The following CLTC variants were observed in gnomAD, a reference collection of about 807,000 sequenced individuals.
CLTC encodes the protein clathrin heavy chain, also known as clathrin heavy chain 1.
In CLTC, 16 loss-of-function variants were observed where a neutral mutation model predicts 195.8. That is an observed-to-expected ratio of 0.08 (90% CI 0.06 to 0.12). The LOEUF (loss-of-function observed/expected upper bound fraction) is 0.12, where lower values mean the gene tolerates loss of function less well. CLTC is among the 10% of genes least tolerant of loss of function. CLTC has a pLI of 1.00. For synonymous variants in CLTC, 667 were observed against 689.4 expected (o/e 0.97, Z 0.51); for missense variants, 796 against 2,027.0 (o/e 0.39, Z 11.66).
chr17:59,664,199 C>T (rs540969957), intron 9 of CLTC, among the ~76,000 whole-genome samples: 1 of 152,306 alleles, frequency 6.6e-6, no homozygotes, highest in Non-Finnish European at 1.5e-5. Context: ...ATCAGAATTT[C>T]AGATAGCAGG....
intron 31 of CLTC, among the ~76,000 whole-genome samples, chr17:59,692,135 G>A (rs771664994): frequency 5.3e-5 from 8 of 152,120 alleles, no homozygotes; most frequent in Non-Finnish European, 1.0e-4. Flanking sequence ...TGGCCAACAT[G>A]GTGAAACCCC....
intron 15 of CLTC, 140 bp from the exon 16 acceptor site, chr17:59,674,561 C>A: frequency 1.5e-6 from 1 of 681,612 alleles, no homozygotes; most frequent in Non-Finnish European, 2.3e-6. Flanking sequence ...AATTTAGACC[C>A]TCAGTTTATT....
Position 59,685,245 on chromosome 17 carries a change from CA to C in CLTC, c.4605+20del, listed in dbSNP as rs761215459. ...TTACAAGGTTGATAAAGTTGCGGGGCAGGGGCTGTTTTAAACCAGGCCTAAA... is the reference window on the plus strand; with the variant it reads ...TTACAAGGTTGATAAAGTTGCGGGGCGGGGCTGTTTTAAACCAGGCCTAAA... On this transcript the variant is annotated intron_variant, in intron 29 of 31. Transcript: ENST00000269122. The surrounding 1 kb of genome is among the most constrained non-coding windows in gnomAD (Gnocchi z 5.0). 1 of 1,563,078 alleles carries C rather than the reference CA, an allele frequency of 6.4e-7. No homozygotes were observed. Among genetic ancestry groups the C allele is most frequent in the African/African-American group, 1.4e-5 (1 of 73,410 alleles).
At chr17:59,663,331 G>T (rs1368390802) in intron 8 of CLTC, among the ~76,000 whole-genome samples, 1 of 152,148 alleles carries the variant, frequency 6.6e-6, no homozygotes, top group Non-Finnish European at 1.5e-5. Flanking sequence ...TTAAATCCAA[G>T]TCAAGAAGAT....
chr17:59,658,957 A>G (rs1222549107), intron 6 of CLTC, among the ~76,000 whole-genome samples: 1 of 152,234 alleles, frequency 6.6e-6, no homozygotes, highest in African/African-American at 2.4e-5. Context: ...TGAAAGGAGT[A>G]GTAGAATTGG....
chr17:59,640,569 T>G (rs998208884), intron 1 of CLTC, among the ~76,000 whole-genome samples: 1 of 151,844 alleles, frequency 6.6e-6, no homozygotes, highest in Non-Finnish European at 1.5e-5. Flanking sequence ...CGGCTAATAT[T>G]TTGTATTTTT....
chr17:59,650,112 G>A (rs908566014), intron 4 of CLTC, among the ~76,000 whole-genome samples: 3 of 152,088 alleles, frequency 2.0e-5, no homozygotes, highest in African/African-American at 4.8e-5. Flanking sequence ...CTTGGAAACT[G>A]AATTTTTTTT....
In CLTC at chr17:59,696,533, T is replaced by G. The variant is rs2033430013; in HGVS notation, c.*2681T>G. 2 of 137,106 alleles carry G rather than the reference T, an allele frequency of 1.5e-5. No homozygotes were observed. The highest frequency in any genetic ancestry group is 2.9e-5 in the Non-Finnish European group (2 of 69,228). The allele number at this position is 137,106 out of a possible 1,614,324, so 8.5% of individuals were successfully genotyped here. A position where few individuals can be genotyped will look rare whatever the true frequency, so the allele number is the denominator to read the frequency against. On this transcript the variant is annotated 3_prime_UTR_variant, in exon 32 of 32. Coordinates refer to ENST00000269122, the MANE Select transcript of CLTC (RefSeq NM_004859.4). Reference sequence around the variant, plus strand: ...CCTCCTAAAAGAAGGCTTAAATAGTTTCTAACAAGATGACTATCAGGAAGC... The same window carrying G: ...CCTCCTAAAAGAAGGCTTAAATAGTGTCTAACAAGATGACTATCAGGAAGC...
intron 31 of CLTC, among the ~76,000 whole-genome samples, chr17:59,692,203 G>A (rs1000196740): frequency 2.0e-5 from 3 of 152,224 alleles, no homozygotes; most frequent in African/African-American, 7.2e-5. Flanking sequence ...TGTAGTCCCA[G>A]CTACTTGGGA....
chr17:59,677,245 G>A, intron 17 of CLTC, 57 bp downstream of exon 17: 1 of 1,343,182 alleles, frequency 7.4e-7, no homozygotes, highest in Admixed American at 1.8e-5. Flanking sequence ...CCTGTTACAT[G>A]AGAGTTTCAG....
rs534751556 is a variant in CLTC at position 59,694,644 on chromosome 17, G to A, written c.*792G>A. 11 of 226,130 alleles carry A rather than the reference G, an allele frequency of 4.9e-5. No individual in the cohort carries two copies. The South Asian group carries it at 1.5e-3, about 30-fold the overall frequency. 14.0% of individuals were successfully genotyped at this position (226,130 alleles called of 1,614,324 possible). ...CTGAGGTTTGTGTATGTTGGATATTGTGGTGTTTTAGATCACTGAGTGTAC... is the reference window on the plus strand; with the variant it reads ...CTGAGGTTTGTGTATGTTGGATATTATGGTGTTTTAGATCACTGAGTGTAC... On this transcript the variant is annotated 3_prime_UTR_variant, in exon 32 of 32. Transcript: ENST00000269122.
chr17:59,670,148 C>T (rs1344176842), intron 14 of CLTC, among the ~76,000 whole-genome samples: 2 of 152,070 alleles, frequency 1.3e-5, no homozygotes, highest in African/African-American at 2.4e-5. Flanking sequence ...AGATTTGATA[C>T]TCTGTGCTTG....
chr17:59,667,077 T>G, intron 13 of CLTC, 100 bp downstream of exon 13: 1 of 943,134 alleles, frequency 1.1e-6, no homozygotes, highest in South Asian at 1.8e-5. Flanking sequence ...TTCTAAAAAT[T>G]TGGTTCTATG....
intron 1 of CLTC, among the ~76,000 whole-genome samples, chr17:59,634,822 T>C (rs959092335): frequency 1.6e-4 from 24 of 152,232 alleles, no homozygotes; most frequent in African/African-American, 5.8e-4. Flanking sequence ...GCATTTCTTA[T>C]TTCCTGTAGA....
rs752011745 is a variant in CLTC at position 59,651,354 on chromosome 17, T to C, written c.795+38T>C. 8.8e-6 allele frequency: 12 copies of C among 1,366,836 alleles called. No homozygotes were observed. In the East Asian group the frequency reaches 2.3e-4, roughly 26 times the overall value. 84.7% of individuals were successfully genotyped at this position (1,366,836 alleles called of 1,614,324 possible). A position where few individuals can be genotyped will look rare whatever the true frequency, so the allele number is the denominator to read the frequency against. On this transcript the variant is annotated intron_variant, in intron 5 of 31. Transcript: ENST00000269122. ...AAATAAATGACTTTTTAAAAATCTCTCCTCTTAAAAGAAATTAACCCAAAG... is the reference window on the plus strand; with the variant it reads ...AAATAAATGACTTTTTAAAAATCTCCCCTCTTAAAAGAAATTAACCCAAAG...
chr17:59,628,832 T>C (rs2031626575), intron 1 of CLTC, among the ~76,000 whole-genome samples: 1 of 152,144 alleles, frequency 6.6e-6, no homozygotes, highest in African/African-American at 2.4e-5. Flanking sequence ...CGAATTTTTT[T>C]TGTATTTTTA....
intron 8 of CLTC, 146 bp downstream of exon 8, chr17:59,661,789 C>T: frequency 4.2e-6 from 3 of 722,088 alleles, no homozygotes; most frequent in Non-Finnish European, 4.5e-6. Flanking sequence ...GATGGATTCA[C>T]TTATTTCCTT....
Position 59,681,122 on chromosome 17 carries a change from T to C in CLTC, c.3065+65T>C. 1 of 1,557,752 alleles carries C rather than the reference T, an allele frequency of 6.4e-7. No individual in the cohort carries two copies. On this transcript the variant is annotated intron_variant, in intron 19 of 31. Transcript: ENST00000269122. This position sits in a 1 kb window ranked among gnomAD's most constrained non-coding sequence, Gnocchi z 5.0. ...TCTTTAATAAATTATGGCCCATCAG[T>C]TTTGGGAAGGAACAAAAAGATCAGA... is the stretch of plus-strand genomic sequence containing the variant.
intron 17 of CLTC, 42 bp downstream of exon 17, chr17:59,677,230 A>T (rs28465103): frequency 2.0e-6 from 3 of 1,477,238 alleles, no homozygotes; most frequent in Middle Eastern, 1.8e-4. Context: ...CTGCATTTTT[A>T]AAAACCTGTT....
Sources: allele counts gnomAD v4.1 joint callset (sites outside exome capture counted in the v4.1 genomes callset), GRCh38; gene constraint gnomAD v4.1.1; non-coding constraint Gnocchi (gnomAD v3.1); transcripts MANE v1.5; gene names NCBI Gene and HGNC (gene_info 2026-07-23, HGNC 2026-07-21).